Variants in PRDM9 observed in about 807,000 individuals in gnomAD.
PRDM9 encodes histone-lysine N-methyltransferase PRDM9.
In PRDM9, 47 loss-of-function variants were observed where a neutral mutation model predicts 55.6. That is an observed-to-expected ratio of 0.85 (90% confidence interval 0.67 to 1.08). The LOEUF is 1.08. PRDM9 is among the 50% of genes least tolerant of loss of function. PRDM9 has a pLI of 0.00. For synonymous variants in PRDM9, 312 were observed against 375.7 expected (o/e 0.83, Z 1.96); for missense variants, 867 against 1,040.3 (o/e 0.83, Z 2.29).
In PRDM9 at chr5:23,522,354, A is replaced by G; in HGVS notation, c.559A>G (p.Lys187Glu). ...ERKMYSLRER[K>E]GHAYKEVSEP... The stretch of plus-strand genomic sequence containing the variant: ...AAAGATGTATAGCCTGCGAGAAAGA[A>G]AGGGTCATGCATACAAAGAGGTCAG... The change falls in exon 7 of 11, where the codon AAG becomes GAG. Residue 187 changes from lysine (K) to glutamate (E), a missense_variant. Physicochemically the swap from Lys to Glu is moderately conservative, Grantham distance 56 (BLOSUM62 1). Around this residue, in one of 5 missense-constraint regions of PRDM9, gnomAD observed 662 missense variants for 711.9 expected, o/e 0.93. Coordinates refer to ENST00000296682, the MANE Select transcript of PRDM9 (RefSeq NM_020227.4). 6.2e-7 allele frequency: 1 copy of G among 1,614,164 alleles called. No homozygotes were observed. The highest frequency in any genetic ancestry group is 8.5e-7 in the Non-Finnish European group (1 of 1,180,034).
Position 23,527,853 on chromosome 5 carries a change from A to T in PRDM9, c.*80A>T, listed in dbSNP as rs573165592. 6.4e-7 allele frequency: 1 copy of T among 1,569,654 alleles called. No individual in the cohort carries two copies. Among genetic ancestry groups the T allele is most frequent in the Admixed American group, 1.8e-5 (1 of 56,024 alleles). On this transcript the variant is annotated 3_prime_UTR_variant, in exon 11 of 11. Transcript: ENST00000296682. Reference sequence around the variant, plus strand: ...CACACACTTGCACACCCCAGCTGTGAGGTGGCTTCAGCGGAAGTCTGCTGA... The same window carrying T: ...CACACACTTGCACACCCCAGCTGTGTGGTGGCTTCAGCGGAAGTCTGCTGA...
At chr5:23,509,368 A>G (rs1490319160) in intron 2 of PRDM9, 102 bp from the exon 3 acceptor site, 1 of 1,578,806 alleles carries the variant, frequency 6.3e-7, no homozygotes, top group African/African-American at 1.4e-5. Flanking sequence ...TTTCACAGAG[A>G]CTCCCAGAGG....
At chr5:23,511,202 G>A (rs1445659860) in intron 4 of PRDM9, among the ~76,000 whole-genome samples, 1 of 151,998 alleles carries the variant, frequency 6.6e-6, no homozygotes, top group African/African-American at 2.4e-5. Context: ...CCTGGGTTTA[G>A]GTCTCAGCTA....
At chr5:23,522,154 A>C in intron 6 of PRDM9, 150 bp from the exon 7 acceptor site, 4 of 753,538 alleles carry the variant, frequency 5.3e-6, no homozygotes, top group Non-Finnish European at 9.5e-6. Context: ...TGTGGGGTCT[A>C]AGTCTCTCTG....
intron 4 of PRDM9, among the ~76,000 whole-genome samples, chr5:23,515,570 T>C (rs530589224): frequency 1.3e-5 from 2 of 152,348 alleles, no homozygotes; most frequent in East Asian, 3.9e-4. Flanking sequence ...TTTGGTGTCA[T>C]ATACAAGAAG....
intron 4 of PRDM9, among the ~76,000 whole-genome samples, chr5:23,513,859 A>G (rs1216815327): frequency 6.6e-6 from 1 of 152,138 alleles, no homozygotes; most frequent in East Asian, 1.9e-4. Context: ...AGCCTGGGCA[A>G]CAGAACGAGA....
rs1284159992 is a variant in PRDM9 at position 23,522,861 on chromosome 5, A to C, written c.858A>C (p.Ala286=). 1 of 1,614,268 alleles carries C rather than the reference A, an allele frequency of 6.2e-7. No individual in the cohort carries two copies. The highest frequency in any genetic ancestry group is 8.5e-7 in the Non-Finnish European group (1 of 1,180,052). ...YEGRITEDEE[A]ANNGYSWLIT... is the part of the protein sequence containing the mutation. The stretch of plus-strand genomic sequence containing the variant: ...GCCGAATTACAGAAGACGAAGAGGC[A>C]GCCAACAATGGATACTCCTGGCTGG... The change falls in exon 8 of 11, where the codon GCA becomes GCC. Residue 286 remains alanine, a synonymous_variant. Transcript: ENST00000296682.
rs187524539 is a variant in PRDM9, at chr5:23,516,192, G to A, written c.302-1689G>A. Among the ~76,000 whole-genome samples the A allele has an allele frequency of 1.3e-4, 20 of 152,174 alleles. No individual in the cohort carries two copies. The East Asian group carries it at 1.9e-3, about 15-fold the overall frequency. ...GTCTCCTTAAATTTCTGTCGGCACCGTTTTGTAGTTTTTAGTGTTCAAGTT... is the reference window on the plus strand; with the variant it reads ...GTCTCCTTAAATTTCTGTCGGCACCATTTTGTAGTTTTTAGTGTTCAAGTT... On this transcript the variant is annotated intron_variant, in intron 4 of 10. Coordinates refer to ENST00000296682, the MANE Select transcript of PRDM9 (RefSeq NM_020227.4).
chr5:23,511,023 G>T (rs1407782173), intron 4 of PRDM9, among the ~76,000 whole-genome samples: 2 of 151,628 alleles, frequency 1.3e-5, no homozygotes, highest in Non-Finnish European at 2.9e-5. Flanking sequence ...GGGTGTGGTG[G>T]TGGGTGCCTA....
At position 23,521,068 on chromosome 5, in the gene PRDM9, T is replaced by C. The variant is rs757847381; in HGVS notation, c.397T>C (p.Leu133=). 54 of 1,614,044 alleles carry C rather than the reference T, an allele frequency of 3.3e-5. 1 individual carries two copies. The highest frequency in any genetic ancestry group is 1.5e-4 in the Admixed American group (9 of 60,006). The change falls in exon 6 of 11, where the codon TTG becomes CTG. Residue 133 remains leucine (L), a synonymous_variant. Coordinates refer to ENST00000296682, the MANE Select transcript of PRDM9 (RefSeq NM_020227.4). ...SFSNESSLKE[L]SRTANLLNAS... The stretch of plus-strand genomic sequence containing the variant: ...CAGTAATGAATCTAGTTTGAAAGAA[T>C]TGTCAAGAACAGCAAATTTACTGAA...
intron 8 of PRDM9, 134 bp from the exon 9 acceptor site, chr5:23,523,157 A>G (rs1314715426): frequency 5.2e-6 from 6 of 1,146,234 alleles, no homozygotes; most frequent in Non-Finnish European, 6.5e-6. Context: ...GATGATGACT[A>G]AGGTGCATAC....
chr5:23,521,231 G>A, intron 6 of PRDM9, 52 bp downstream of exon 6: 1 of 1,602,782 alleles, frequency 6.2e-7, no homozygotes, highest in Non-Finnish European at 8.5e-7. Context: ...CTCTAGAAAG[G>A]TTGATGAGTA....
At chr5:23,518,023 T>G (rs983345328) in intron 5 of PRDM9, 93 bp downstream of exon 5, 4 of 1,160,564 alleles carry the variant, frequency 3.4e-6, no homozygotes, top group Non-Finnish European at 5.2e-6. Context: ...TCATAGGAAC[T>G]AATGCCTTCT....
At chr5:23,523,797 C>A (rs540773217) in intron 9 of PRDM9, among the ~76,000 whole-genome samples, 1 of 152,256 alleles carries the variant, frequency 6.6e-6, no homozygotes, top group South Asian at 2.1e-4. Context: ...TCAACTATTA[C>A]TGTTCTATGT....
At chr5:23,524,555 G>T (rs375694568) in intron 10 of PRDM9, 28 bp downstream of exon 10, 2 of 1,612,510 alleles carry the variant, frequency 1.2e-6, no homozygotes, top group Admixed American at 1.7e-5. Flanking sequence ...TCTTTTAAAA[G>T]GACAGGAAAG....
In PRDM9 at chr5:23,527,382, G is replaced by T; in HGVS notation, c.2294G>T (p.Arg765Ile). ...RGFRDKSHLL[R>I]HQRTHTGEKP... ...TTTCGCGATAAGTCACACCTCCTCA[G>T]ACACCAGAGGACACACACAGGGGAG... is the stretch of plus-strand genomic sequence containing the variant. Residue 765 changes from arginine (R) to isoleucine (I), a missense_variant, in exon 11 of 11, where the codon AGA becomes ATA. Transcript: ENST00000296682. 3.4e-6 allele frequency: 5 copies of T among 1,486,282 alleles called. No homozygotes were observed. In the East Asian group the frequency reaches 1.4e-4, roughly 40 times the overall value. 92.1% of individuals were successfully genotyped at this position (1,486,282 alleles called of 1,614,324 possible).
intron 7 of PRDM9, 100 bp from the exon 8 acceptor site, chr5:23,522,514 G>C (rs1739351502): frequency 2.5e-6 from 4 of 1,590,348 alleles, no homozygotes; most frequent in South Asian, 2.2e-5. Flanking sequence ...TAGAGTACAG[G>C]ATTAGGGCTA....
At chr5:23,520,631 T>G (rs1222390260) in intron 5 of PRDM9, among the ~76,000 whole-genome samples, 1 of 152,126 alleles carries the variant, frequency 6.6e-6, no homozygotes, top group African/African-American at 2.4e-5. Context: ...TTTCCAGAAG[T>G]GCTTTGTCCC....
At chr5:23,510,536 T>C (rs190572283) in intron 4 of PRDM9, among the ~76,000 whole-genome samples, 269 of 151,332 alleles carry the variant, frequency 1.8e-3, no homozygotes, top group Middle Eastern at 6.8e-3. Flanking sequence ...TTTTGTATTT[T>C]TTGTAGAGAT....
Sources: gnomAD v4.1 joint callset for allele counts (sites outside exome capture counted in the v4.1 genomes callset) on GRCh38, gnomAD v4.1.1 for gene constraint, gnomAD v4.1.1 regional missense constraint, MANE v1.5 for transcripts, NCBI Gene and HGNC (gene_info 2026-07-23, HGNC 2026-07-21) for gene names.